CCDC102B: variants seen among roughly 807,000 people sequenced by gnomAD.
CCDC102B encodes the protein coiled-coil domain containing 102B.
Under a neutral mutation model 57.4 loss-of-function variants are expected in CCDC102B, and 75 were observed. The ratio of observed to expected loss-of-function variants is 1.31; its 90% CI spans 1.08 to 1.58. CCDC102B has a LOEUF of 1.58. CCDC102B is among the 40% of genes most tolerant of loss of function. The pLI, the probability that CCDC102B is intolerant of heterozygous loss-of-function variation, is 0.00. For missense variants in CCDC102B, 636 were observed against 582.6 expected, an observed-to-expected ratio of 1.09 and a Z score of -0.94; for synonymous variants, 206 against 201.9, an observed-to-expected ratio of 1.02 and a Z score of -0.17.
rs778230947 is a variant in CCDC102B, at chr18:68,846,438, T to C, written c.936+17T>C. The stretch of plus-strand genomic sequence containing the variant: ...GTGAAAGAGGTATGGGGGAATATGA[T>C]GTAAAGGAAGAAATGAAGCCTAGCT... On this transcript the variant is annotated intron_variant, in intron 4 of 7. Coordinates refer to ENST00000360242, the MANE Select transcript of CCDC102B (RefSeq NM_024781.3). 1.4e-6 allele frequency: 2 copies of C among 1,442,028 alleles called. No individual in the cohort carries two copies. Among genetic ancestry groups the C allele is most frequent in the South Asian group, 2.5e-5 (2 of 79,992 alleles). 89.3% of individuals were successfully genotyped at this position (1,442,028 alleles called of 1,614,324 possible).
rs1421025917 is a variant in CCDC102B, at chr18:68,765,416, GAGAA to G, written c.-67+48826_-67+48829del. 2.4e-4 allele frequency among the ~76,000 whole-genome samples: 35 copies of G among 147,974 alleles called. No homozygotes were observed. In the East Asian group the frequency reaches 3.4e-3, roughly 14 times the overall value. On this transcript the variant is annotated intron_variant, in intron 2 of 3. Coordinates refer to the CCDC102B transcript ENST00000578970. ...AAAAGAAAGGAAGGAAGGAAGGAAAGAGAAAGAGAAAGGAAAGAAGGAAGGAAGG... is the reference window on the plus strand; with the variant it reads ...AAAAGAAAGGAAGGAAGGAAGGAAAGAGAGAAAGGAAAGAAGGAAGGAAGG...
At chr18:68,841,861 T>G (rs1373684837) in intron 3 of CCDC102B, among the ~76,000 whole-genome samples, 2 of 152,096 alleles carry the variant, frequency 1.3e-5, no homozygotes, top group Non-Finnish European at 2.9e-5. Flanking sequence ...GCCTCCCAAG[T>G]AGCTGGAATT....
chr18:68,955,285 A>G (rs1268004877), intron 6 of CCDC102B, among the ~76,000 whole-genome samples: 1 of 152,130 alleles, frequency 6.6e-6, no homozygotes, highest in Non-Finnish European at 1.5e-5. Flanking sequence ...ACAATAGGAA[A>G]ATCACACTTG....
intron 2 of CCDC102B, among the ~76,000 whole-genome samples, chr18:68,740,665 C>T (rs151133131): frequency 6.6e-6 from 1 of 152,276 alleles, no homozygotes; most frequent in Non-Finnish European, 1.5e-5. Context: ...TGGAGTAGAT[C>T]GCATGAGTAA....
At chr18:68,757,063 C>T (rs913673244) in intron 2 of CCDC102B, among the ~76,000 whole-genome samples, 1 of 152,190 alleles carries the variant, frequency 6.6e-6, no homozygotes. Flanking sequence ...AAATGTGCCC[C>T]GCCTCCATCA....
intron 2 of CCDC102B, among the ~76,000 whole-genome samples, chr18:68,730,622 A>C (rs1053538282): frequency 6.6e-6 from 1 of 152,188 alleles, no homozygotes; most frequent in African/African-American, 2.4e-5. Flanking sequence ...CTTTTCCCTG[A>C]ATTTTAAAAA....
rs1221268525 is a variant in CCDC102B at position 68,787,038 on chromosome 18, G to A, written c.-66-36328G>A. On this transcript the variant is annotated intron_variant, in intron 2 of 3. Coordinates refer to the CCDC102B transcript ENST00000578970. ...ATTTATTGAGAGTTTTTAGCATGAA[G>A]GGTTGTTGAATTTTGTCAAAGGCCT... is the stretch of plus-strand genomic sequence containing the variant. Among the ~76,000 whole-genome samples the A allele has an allele frequency of 6.6e-3, 1,001 of 151,108 alleles. 13 individuals carry two copies. The highest frequency in any genetic ancestry group is 0.022 in the African/African-American group (898 of 41,248).
chr18:68,735,312 G>T (rs1410862053), intron 2 of CCDC102B, among the ~76,000 whole-genome samples: 2 of 152,134 alleles, frequency 1.3e-5, no homozygotes, highest in Non-Finnish European at 2.9e-5. Flanking sequence ...GCCTGCCTCG[G>T]CCTCCCAAAC....
chr18:69,030,297 T>G (rs954773438), intron 7 of CCDC102B, among the ~76,000 whole-genome samples: 2 of 152,200 alleles, frequency 1.3e-5, no homozygotes, highest in African/African-American at 4.8e-5. Context: ...TCTCTAATAT[T>G]TAGCAGTTCA....
intron 2 of CCDC102B, among the ~76,000 whole-genome samples, chr18:68,768,929 G>A: frequency 6.6e-6 from 1 of 152,048 alleles, no homozygotes; most frequent in East Asian, 1.9e-4. Context: ...GAAGAAAGGG[G>A]AATGAGGTAG....
chr18:68,790,585 C>T lies in CCDC102B; in HGVS notation c.-66-32781C>T, dbSNP rs201406386. ...GTGCAGTATTCGGGTGGGAGTGACC[C>T]GATTTTCCAGGTGCTGTCCCTCACC... is the stretch of plus-strand genomic sequence containing the variant. On this transcript the variant is annotated intron_variant, in intron 2 of 3. Coordinates refer to the CCDC102B transcript ENST00000578970. 2.0e-5 allele frequency among the ~76,000 whole-genome samples: 3 copies of T among 152,260 alleles called. No homozygotes were observed. The South Asian group carries it at 6.2e-4, about 32-fold the overall frequency.
chr18:68,897,522 G>A (rs1048863282), intron 6 of CCDC102B, 94 bp downstream of exon 6: 19 of 1,549,768 alleles, frequency 1.2e-5, no homozygotes, highest in Middle Eastern at 1.7e-4. Context: ...TCCACATTTG[G>A]ATATTTCCTT....
intron 4 of CCDC102B, among the ~76,000 whole-genome samples, chr18:68,872,543 AGTT>A (rs2039279872): frequency 1.3e-5 from 2 of 151,986 alleles, no homozygotes; most frequent in Non-Finnish European, 2.9e-5. Context: ...TGATTACAGT[AGTT>A]GTTTTTTAAC....
intron 7 of CCDC102B, 84 bp downstream of exon 7, chr18:69,011,188 A>G (rs1282670924): frequency 5.0e-6 from 6 of 1,207,764 alleles, no homozygotes; most frequent in Admixed American, 2.3e-5. Flanking sequence ...CCTTATTAAC[A>G]TATGGCATTA....
intron 1 of CCDC102B, among the ~76,000 whole-genome samples, chr18:68,829,136 A>T (rs1026004546): frequency 6.6e-6 from 1 of 151,932 alleles, no homozygotes; most frequent in Non-Finnish European, 1.5e-5. Context: ...TTTTTTGTTG[A>T]TTCGATTTAT....
Position 68,813,874 on chromosome 18 carries a change from G to T in CCDC102B, c.-16+15693G>T, listed in dbSNP as rs550408584. 8.6e-5 allele frequency among the ~76,000 whole-genome samples: 13 copies of T among 151,744 alleles called. No individual in the cohort carries two copies. In the East Asian group the frequency reaches 1.7e-3, roughly 20 times the overall value. ...TCAGTTATCTGAGAACGATGTGATAGTATTTGGACTAAAGTGGATGAGACA... is the reference window on the plus strand; with the variant it reads ...TCAGTTATCTGAGAACGATGTGATATTATTTGGACTAAAGTGGATGAGACA... On this transcript the variant is annotated intron_variant, in intron 1 of 7. Transcript: ENST00000360242.
intron 4 of CCDC102B, among the ~76,000 whole-genome samples, chr18:68,864,245 C>T (rs2038880926): frequency 6.6e-6 from 1 of 151,896 alleles, no homozygotes; most frequent in Non-Finnish European, 1.5e-5. Context: ...CTCTTCTGTT[C>T]CTTCTAGTTT....
chr18:68,743,412 AAACC>A (rs529918855), intron 2 of CCDC102B, among the ~76,000 whole-genome samples: 8 of 152,080 alleles, frequency 5.3e-5, no homozygotes, highest in African/African-American at 1.9e-4. Context: ...TCCATCTCAA[AAACC>A]AACCAACCAA....
intron 2 of CCDC102B, among the ~76,000 whole-genome samples, chr18:68,740,983 G>A (rs1394818029): frequency 1.3e-5 from 2 of 152,132 alleles, no homozygotes; most frequent in Non-Finnish European, 2.9e-5. Flanking sequence ...CACTCATGTT[G>A]CAAATGTTGA....
Sources: allele counts gnomAD v4.1 joint callset (sites outside exome capture counted in the v4.1 genomes callset), GRCh38; gene constraint gnomAD v4.1.1; transcripts MANE v1.5; gene names NCBI Gene and HGNC (gene_info 2026-07-23, HGNC 2026-07-21).